The following NOX4 variants were observed in gnomAD, a reference collection of about 807,000 sequenced individuals.
The protein encoded by NOX4 is kidney oxidase-1.
Under a neutral mutation model 87.6 loss-of-function variants are expected in NOX4, and 69 were observed. The observed-to-expected ratio is 0.79, with a 90% CI of 0.65 to 0.96. The LOEUF (loss-of-function observed/expected upper bound fraction) is 0.96, where lower values mean the gene tolerates loss of function less well. Ranked by LOEUF, NOX4 falls within the 40% of genes least tolerant of loss-of-function variation. The probability of loss-of-function intolerance (pLI) is 0.00; values close to 1 mark genes in which losing one functional copy is unlikely to be tolerated. For missense variants in NOX4, 680 were observed against 681.5 expected (o/e 1.00, Z 0.02); for synonymous variants, 275 against 238.2 (o/e 1.15, Z -1.42).
chr11:89,527,896 C>T, the NOX4 span, among the ~76,000 whole-genome samples: 2 of 152,194 alleles, frequency 1.3e-5, no homozygotes, highest in Non-Finnish European at 2.9e-5. Flanking sequence ...GGACCATCAT[C>T]CTCCATAACC....
chr11:89,383,973 C>T (rs950238186), intron 11 of NOX4, among the ~76,000 whole-genome samples: 2 of 152,120 alleles, frequency 1.3e-5, no homozygotes, highest in Admixed American at 6.5e-5. Flanking sequence ...CACCAATATC[C>T]CATCCCACAG....
chr11:89,462,605 AAG>A (rs1443518808), intron 2 of NOX4, among the ~76,000 whole-genome samples: 1 of 152,118 alleles, frequency 6.6e-6, no homozygotes, highest in African/African-American at 2.4e-5. Context: ...ATGGGAAAAG[AAG>A]AGTCTATTCG....
the NOX4 span, among the ~76,000 whole-genome samples, chr11:89,506,825 C>A: frequency 6.6e-6 from 1 of 151,786 alleles, no homozygotes; most frequent in African/African-American, 2.4e-5. Context: ...CATAACTAAA[C>A]ACCATTAGTT....
upstream of NOX4, among the ~76,000 whole-genome samples, chr11:89,495,669 T>G (rs1160862133): frequency 6.6e-6 from 1 of 152,188 alleles, no homozygotes; most frequent in East Asian, 1.9e-4. Context: ...TTTCTCTGAT[T>G]GGATATGCTA....
intron 9 of NOX4, among the ~76,000 whole-genome samples, chr11:89,401,348 AC>A (rs1256701834): frequency 6.6e-6 from 1 of 152,062 alleles, no homozygotes; most frequent in Non-Finnish European, 1.5e-5. Flanking sequence ...GAGTCGCCAT[AC>A]CTGCCCTAAT....
At chr11:89,384,124 G>T (rs376457805) in intron 11 of NOX4, among the ~76,000 whole-genome samples, 1 of 152,004 alleles carries the variant, frequency 6.6e-6, no homozygotes, top group African/African-American at 2.4e-5. Flanking sequence ...GGATCTGTGC[G>T]TTATCAACCA....
chr11:89,428,273 T>C (rs920460941), intron 7 of NOX4, among the ~76,000 whole-genome samples: 8 of 149,672 alleles, frequency 5.3e-5, no homozygotes, highest in African/African-American at 1.5e-4. Flanking sequence ...ACACACCAAA[T>C]TGTAAAGACC....
Position 89,326,502 on chromosome 11 carries a change from C to G in NOX4, c.*254G>C, listed in dbSNP as rs1487289324. On this transcript the variant is annotated 3_prime_UTR_variant, in exon 18 of 18. Coordinates refer to ENST00000263317, the MANE Select transcript of NOX4 (RefSeq NM_016931.5). ...ATGAAAATCAACAGTGTGCATCTAA[C>G]AGTTTTCTTTTAATTTGAGAACTGA... 3.4e-6 allele frequency: 1 copy of G among 290,710 alleles called. No homozygotes were observed. Among genetic ancestry groups the G allele is most frequent in the Non-Finnish European group, 6.4e-6 (1 of 156,280 alleles). 18.0% of individuals were successfully genotyped at this position (290,710 alleles called of 1,614,324 possible). A position where few individuals can be genotyped will look rare whatever the true frequency, so the allele number is the denominator to read the frequency against.
At chr11:89,444,363 T>A in intron 4 of NOX4, 131 bp from the exon 5 acceptor site, 1 of 710,064 alleles carries the variant, frequency 1.4e-6, no homozygotes. Flanking sequence ...AAATATTACA[T>A]TGAAAGGTGA....
At chr11:89,427,562 A>T (rs922527740) in intron 7 of NOX4, among the ~76,000 whole-genome samples, 33 of 152,188 alleles carry the variant, frequency 2.2e-4, no homozygotes, top group African/African-American at 7.5e-4. Flanking sequence ...TGGCACGAGA[A>T]CTACGTGACG....
intron 13 of NOX4, among the ~76,000 whole-genome samples, chr11:89,349,933 T>C (rs1398166001): frequency 1.5e-4 from 23 of 152,262 alleles, no homozygotes; most frequent in Non-Finnish European, 1.5e-5. Flanking sequence ...CTAGTCTACA[T>C]GTTATGAACC....
chr11:89,438,283 A>G (rs1289584759), intron 6 of NOX4, among the ~76,000 whole-genome samples: 1 of 134,544 alleles, frequency 7.4e-6, no homozygotes, highest in Non-Finnish European at 1.5e-5. Flanking sequence ...TAATATATAT[A>G]CTACATATAA....
chr11:89,369,701 A>C (rs923820919), intron 12 of NOX4, among the ~76,000 whole-genome samples: 70 of 151,976 alleles, frequency 4.6e-4, no homozygotes, highest in African/African-American at 1.7e-3. Flanking sequence ...GAATTATGTA[A>C]AATCTGTGAG....
the NOX4 span, among the ~76,000 whole-genome samples, chr11:89,529,211 C>T: frequency 6.6e-5 from 10 of 152,168 alleles, no homozygotes; most frequent in Non-Finnish European, 1.5e-4. Context: ...CTCTCAGTGT[C>T]CTCAAGACAA....
At chr11:89,499,602 C>G (rs992488685), upstream of NOX4, among the ~76,000 whole-genome samples, 1 of 152,168 alleles carries the variant, frequency 6.6e-6, no homozygotes, top group Non-Finnish European at 1.5e-5. Flanking sequence ...AAATTTAAGG[C>G]TGGGAATTTC....
intron 9 of NOX4, 130 bp from the exon 10 acceptor site, chr11:89,400,509 C>T (rs545039409): frequency 1.7e-6 from 1 of 575,894 alleles, no homozygotes; most frequent in East Asian, 3.2e-5. Context: ...GAAAACATAA[C>T]AAATGAGTAA....
At chr11:89,433,339 A>AT (rs1257398071) in intron 6 of NOX4, among the ~76,000 whole-genome samples, 6 of 151,910 alleles carry the variant, frequency 3.9e-5, no homozygotes, top group South Asian at 4.2e-4. Context: ...AGAATATTCC[A>AT]TTTTTTTTAA....
At chr11:89,545,025 A>C in the NOX4 span, 2 of 152,108 alleles carry the variant, frequency 1.3e-5, no homozygotes, top group African/African-American at 4.8e-5. Context: ...AAGTCTCATG[A>C]ACTTTTATAT....
chr11:89,387,497 T>TA (rs1427928037), intron 11 of NOX4, among the ~76,000 whole-genome samples: 1 of 152,142 alleles, frequency 6.6e-6, no homozygotes, highest in Non-Finnish European at 1.5e-5. Context: ...CCCAGGTGAT[T>TA]AAAAAGCTTT....
Sources: gnomAD v4.1 joint callset for allele counts (sites outside exome capture counted in the v4.1 genomes callset) on GRCh38, gnomAD v4.1.1 for gene constraint, MANE v1.5 for transcripts, NCBI Gene and HGNC (gene_info 2026-07-23, HGNC 2026-07-21) for gene names.